The following DZANK1 variants were observed in gnomAD, a reference collection of about 807,000 sequenced individuals.
The protein encoded by DZANK1 is double zinc ribbon and ankyrin repeat domains 1.
A neutral mutation model predicts 94.5 loss-of-function variants in DZANK1; 91 were observed. The observed-to-expected ratio is 0.96, with a 90% confidence interval of 0.81 to 1.15. The LOEUF (loss-of-function observed/expected upper bound fraction) is 1.15. DZANK1 is among the 50% of genes most tolerant of loss of function. The pLI is 0.00. For synonymous variants in DZANK1, 312 were observed against 325.3 expected (o/e 0.96, Z 0.44); for missense variants, 903 against 916.4 (o/e 0.99, Z 0.19).
At chr20:18,433,837 G>T in intron 8 of DZANK1, 72 bp from the exon 9 acceptor site, 1 of 1,367,486 alleles carries the variant, frequency 7.3e-7, no homozygotes. Flanking sequence ...AGAATGTAAG[G>T]TTTGGTCTAC....
chr20:18,415,818 C>G (rs966234916), intron 10 of DZANK1, among the ~76,000 whole-genome samples: 5 of 152,170 alleles, frequency 3.3e-5, no homozygotes, highest in African/African-American at 1.2e-4. Context: ...ATGATTGAGG[C>G]TTATCTTCTA....
chr20:18,444,839 C>T (rs529818396), intron 7 of DZANK1, among the ~76,000 whole-genome samples: 8 of 152,206 alleles, frequency 5.3e-5, no homozygotes, highest in South Asian at 4.2e-4. Flanking sequence ...CTTGCTCTGT[C>T]GCCCAGATTG....
Position 18,411,116 on chromosome 20 carries a change from A to C in DZANK1, c.1432+1530T>G, listed in dbSNP as rs188865940. 8.5e-5 allele frequency among the ~76,000 whole-genome samples: 13 copies of C among 152,306 alleles called. No homozygotes were observed. The East Asian group carries it at 2.5e-3, about 29-fold the overall frequency. On this transcript the variant is annotated intron_variant, in intron 13 of 20. Coordinates refer to ENST00000262547, the Ensembl canonical transcript of DZANK1. Reference sequence around the variant, plus strand: ...AACGAGGAAAAGAAGAGCAAAGTCAACTTAAAGTAAGAAGAAAGAAGGAAA... The same window carrying C: ...AACGAGGAAAAGAAGAGCAAAGTCACCTTAAAGTAAGAAGAAAGAAGGAAA...
At chr20:18,448,038 C>A (rs915010149) in intron 7 of DZANK1, among the ~76,000 whole-genome samples, 2 of 151,740 alleles carry the variant, frequency 1.3e-5, no homozygotes, top group South Asian at 2.1e-4. Flanking sequence ...ATTTAGAGAC[C>A]AGATATGAGA....
At position 18,409,577 on chromosome 20, in the gene DZANK1, CACA is replaced by C. The variant is rs747298132; in HGVS notation, c.1432+3066_1432+3068del. Among the ~76,000 whole-genome samples the C allele has an allele frequency of 1.5e-3, 192 of 128,378 alleles. 2 individuals are homozygous for C. Among genetic ancestry groups the C allele is most frequent in the South Asian group, 2.4e-3 (9 of 3,824 alleles). The allele number at this position is 128,378 out of a possible 152,430, so 84.2% of individuals were successfully genotyped here. A position where few individuals can be genotyped will look rare whatever the true frequency, so the allele number is the denominator to read the frequency against. On this transcript the variant is annotated intron_variant, in intron 13 of 20. Transcript: ENST00000262547. ...ACACACACACACACACACACACACA[CACA>C]CACCACCACCACCACCATCACCACC... is the stretch of plus-strand genomic sequence containing the variant.
At position 18,394,273 on chromosome 20, in the gene DZANK1, G is replaced by GCACAGCCCCC. The variant is rs1196290797; in HGVS notation, c.1679_1688dup (p.Cys563TrpfsTer13). On this transcript the variant is annotated frameshift_variant, in exon 16 of 21. Coordinates refer to ENST00000262547, the Ensembl canonical transcript of DZANK1. LOFTEE classifies it high-confidence loss of function. ...ACTCACCCCAGCTGGACCTGCTGCC[G>GCACAGCCCCC]CACAGCCCCCCATCACCCTCGGCAG... 7 of 1,613,352 alleles carry GCACAGCCCCC rather than the reference G, an allele frequency of 4.3e-6. No homozygotes were observed. The highest frequency in any genetic ancestry group is 5.1e-6 in the Non-Finnish European group (6 of 1,179,682).
In DZANK1 at chr20:18,433,665, C is replaced by T. The variant is rs79400176; in HGVS notation, c.848G>A (p.Ser283Asn). The change falls in exon 9 of 21, where the codon AGC becomes AAC. Residue 283 changes from serine (S) to asparagine (N), a missense_variant. Coordinates refer to ENST00000262547, the Ensembl canonical transcript of DZANK1. Reference sequence around the variant, plus strand: ...ACATTTCATTACCTTCAAGTGGAGGCTTGCCTGTGGCTGCAGCTGTAGAGC... The same window carrying T: ...ACATTTCATTACCTTCAAGTGGAGGTTTGCCTGTGGCTGCAGCTGTAGAGC... The T allele has an allele frequency of 8.8e-3, 14,149 of 1,613,806 alleles. 68 individuals carry two copies. Among genetic ancestry groups the T allele is most frequent in the Non-Finnish European group, 0.011 (12,902 of 1,179,706 alleles).
At chr20:18,399,000 C>T (rs1032825095) in intron 13 of DZANK1, among the ~76,000 whole-genome samples, 2 of 151,892 alleles carry the variant, frequency 1.3e-5, no homozygotes, top group Admixed American at 1.3e-4. Context: ...AGCATGGTGG[C>T]GTGCACCTGT....
intron 2 of DZANK1, 44 bp from the exon 3 acceptor site, chr20:18,460,350 G>C (rs1484034304): frequency 7.1e-7 from 1 of 1,400,290 alleles, no homozygotes; most frequent in Admixed American, 2.2e-5. Context: ...CACCAAAGTA[G>C]CAAGTCCCTG....
At chr20:18,434,000 C>T (rs1237164757) in intron 8 of DZANK1, 2 of 473,606 alleles carry the variant, frequency 4.2e-6, no homozygotes, top group African/African-American at 3.9e-5. Context: ...ATGCTAATTA[C>T]TCTGATTTGA....
chr20:18,391,942 C>T (rs1344777166), intron 17 of DZANK1, among the ~76,000 whole-genome samples: 1 of 152,236 alleles, frequency 6.6e-6, no homozygotes, highest in Non-Finnish European at 1.5e-5. Flanking sequence ...TTCCATTCCT[C>T]ATGGAAATGT....
intron 3 of DZANK1, among the ~76,000 whole-genome samples, chr20:18,456,172 G>T (rs1294170406): frequency 6.6e-6 from 1 of 152,166 alleles, no homozygotes; most frequent in South Asian, 2.1e-4. Context: ...CATTCCACAT[G>T]AATCAAGAGC....
rs59336195 is a variant in DZANK1 at position 18,413,592 on chromosome 20, C to G, written c.1242+756G>C. ...GTAAGGAGTTCGAGATCAGCCCGAC[C>G]AACATGGTGAAACCCCATCTCTACT... On this transcript the variant is annotated intron_variant, in intron 12 of 20. Transcript: ENST00000262547. Among the ~76,000 whole-genome samples, 362 of 151,994 alleles carry G rather than the reference C, an allele frequency of 2.4e-3. 5 individuals are homozygous for G. The highest frequency in any genetic ancestry group is 0.02 in the Admixed American group (304 of 15,244).
chr20:18,426,902 T>C (rs1426668462), intron 10 of DZANK1, among the ~76,000 whole-genome samples, 165 bp downstream of exon 10: 2 of 152,228 alleles, frequency 1.3e-5, no homozygotes, highest in African/African-American at 4.8e-5. Flanking sequence ...CAATTTGTAT[T>C]GATATAAAGT....
intron 10 of DZANK1, among the ~76,000 whole-genome samples, chr20:18,422,571 T>C (rs955838800): frequency 5.3e-5 from 8 of 152,222 alleles, no homozygotes; most frequent in Admixed American, 3.9e-4. Flanking sequence ...TAAAATATTA[T>C]ATAAAATTAC....
At chr20:18,410,518 G>A (rs569930059) in intron 13 of DZANK1, among the ~76,000 whole-genome samples, 1 of 152,070 alleles carries the variant, frequency 6.6e-6, no homozygotes, top group Admixed American at 6.5e-5. Context: ...AACAAAAAAG[G>A]CATTTAGAAA....
chr20:18,398,666 CTGAGACTAAGAAAGAAA>C, intron 13 of DZANK1, 40 bp from the exon 14 acceptor site: 3 of 1,572,688 alleles, frequency 1.9e-6, no homozygotes, highest in Non-Finnish European at 2.6e-6. Context: ...GATGATTCTC[CTGAGACTAAGAAAGAAA>C]AATGATAGCA....
At chr20:18,429,793 C>T (rs946999986) in intron 9 of DZANK1, among the ~76,000 whole-genome samples, 1 of 152,124 alleles carries the variant, frequency 6.6e-6, no homozygotes, top group Non-Finnish European at 1.5e-5. Context: ...CTTTTGACAC[C>T]ATGCCATGGC....
At chr20:18,394,206 T>A in intron 16 of DZANK1, 48 bp downstream of exon 16, 3 of 1,531,238 alleles carry the variant, frequency 2.0e-6, no homozygotes, top group Non-Finnish European at 2.7e-6. Context: ...GCCAAGTCCA[T>A]GTGTTCCTGG....
Sources: gnomAD v4.1 joint callset for allele counts (sites outside exome capture counted in the v4.1 genomes callset) on GRCh38, gnomAD v4.1.1 for gene constraint, MANE v1.5 for transcripts, NCBI Gene and HGNC (gene_info 2026-07-23, HGNC 2026-07-21) for gene names.